The following SEMA3F variants were observed in gnomAD, a reference collection of about 807,000 sequenced individuals.
The protein encoded by SEMA3F is semaphorin 3F.
SEMA3F carries 30 observed loss-of-function variants against 98.5 expected under a neutral mutation model. The observed-to-expected ratio is 0.30, with a 90% CI of 0.23 to 0.41. The LOEUF is 0.41. Ranked by LOEUF, SEMA3F falls within the 10% of genes least tolerant of loss-of-function variation. SEMA3F has a pLI of 1.00. For missense variants in SEMA3F, 866 were observed against 1,119.3 expected, an observed-to-expected ratio of 0.77 and a Z score of 3.23; for synonymous variants, 380 against 444.8, an observed-to-expected ratio of 0.85 and a Z score of 1.83.
rs747657646 is a variant in SEMA3F at position 50,185,933 on chromosome 3, C to T, written c.1632C>T (p.Ser544=). 97 of 1,613,872 alleles carry T rather than the reference C, an allele frequency of 6.0e-5. No homozygotes were observed. The highest frequency in any genetic ancestry group is 7.5e-5 in the Non-Finnish European group (89 of 1,179,976). Residue 544 remains serine, a synonymous_variant, in exon 16 of 19, where the codon AGC becomes AGT. Coordinates refer to ENST00000002829, the MANE Select transcript of SEMA3F (RefSeq NM_004186.5). ...VASAVGVTHL[S]LHRCQAYGAA... ...CAGCCGTGGGTGTCACACACCTGAG[C>T]CTGCACCGCTGCCAGGCGTATGGGG...
In SEMA3F at chr3:50,166,591, C is replaced by T. The variant is rs979823871; in HGVS notation, c.112+6857C>T. ...GCATGCACCTGTCTGCCCTGTGCCT[C>T]GGTTTCTCCATCAGAATGTTGGGGA... is the stretch of plus-strand genomic sequence containing the variant. On this transcript the variant is annotated intron_variant, in intron 2 of 18. Coordinates refer to ENST00000002829, the MANE Select transcript of SEMA3F (RefSeq NM_004186.5). The surrounding 1 kb of genome is among the most constrained non-coding windows in gnomAD (Gnocchi z 4.7). 2.0e-5 allele frequency among the ~76,000 whole-genome samples: 3 copies of T among 152,144 alleles called. No homozygotes were observed. The highest frequency in any genetic ancestry group is 2.9e-5 in the Non-Finnish European group (2 of 68,040).
At chr3:50,174,406 G>T (rs1698729786) in intron 5 of SEMA3F, 56 bp downstream of exon 5, 2 of 1,558,774 alleles carry the variant, frequency 1.3e-6, no homozygotes. Flanking sequence ...GCATCCCAGG[G>T]TCCTGATGGG....
chr3:50,186,513 A>G, intron 17 of SEMA3F, 100 bp from the exon 18 acceptor site: 2 of 1,472,298 alleles, frequency 1.4e-6, no homozygotes, highest in Non-Finnish European at 9.3e-7. Context: ...AACACAGAGC[A>G]CTACATTGGT....
intron 6 of SEMA3F, 59 bp downstream of exon 6, chr3:50,175,247 C>A: frequency 1.6e-6 from 2 of 1,254,342 alleles, no homozygotes; most frequent in Non-Finnish European, 1.1e-6. Context: ...GGAACTCACC[C>A]TGGGCCTGCA....
At chr3:50,180,605 G>A (rs1369075155) in intron 7 of SEMA3F, among the ~76,000 whole-genome samples, 2 of 152,176 alleles carry the variant, frequency 1.3e-5, no homozygotes, top group Non-Finnish European at 2.9e-5. Context: ...GAGAGAGATG[G>A]GAGAATGGCC....
intron 2 of SEMA3F, among the ~76,000 whole-genome samples, chr3:50,169,918 G>A (rs2109078124): frequency 6.6e-6 from 1 of 152,242 alleles, no homozygotes; most frequent in Admixed American, 6.5e-5. Context: ...GGATACCCAG[G>A]GCTACTTGCC....
intron 16 of SEMA3F, 73 bp from the exon 17 acceptor site, chr3:50,186,208 G>C: frequency 6.6e-7 from 1 of 1,521,684 alleles, no homozygotes; most frequent in Non-Finnish European, 9.0e-7. Flanking sequence ...CCCTGCCCTG[G>C]AGTCAGGGAG....
intron 13 of SEMA3F, 25 bp from the exon 14 acceptor site, chr3:50,185,418 T>C (rs1338825580): frequency 7.4e-7 from 1 of 1,354,588 alleles, no homozygotes; most frequent in East Asian, 2.7e-5. Context: ...CCAGCCCCAC[T>C]GAGGCCCTGC....
In SEMA3F at chr3:50,184,749, C is replaced by T. The variant is rs1203426372; in HGVS notation, c.1391C>T (p.Thr464Ile). 3 of 1,614,156 alleles carry T rather than the reference C, an allele frequency of 1.9e-6. No individual in the cohort carries two copies. The highest frequency in any genetic ancestry group is 4.5e-5 in the East Asian group (2 of 44,888). ...CGCACAGGTGCTCCCTACCGCCTTA[C>T]CACTATTGCCGTGGACCAGGTGGAT... Reference protein sequence around the residue: ...VVRTGAPYRLTTIAVDQVDAA... With the variant: ...VVRTGAPYRLITIAVDQVDAA... The change falls in exon 13 of 19, where the codon ACC becomes ATC. Residue 464 changes from threonine (T) to isoleucine (I), a missense_variant. By Grantham distance (89) the Thr-to-Ile change is moderately conservative. Transcript: ENST00000002829.
At chr3:50,186,474 G>A in intron 17 of SEMA3F, 126 bp downstream of exon 17, 3 of 1,400,922 alleles carry the variant, frequency 2.1e-6, no homozygotes, top group Non-Finnish European at 3.0e-6. Flanking sequence ...GGGGGCTAAT[G>A]GAGATGGGAT....
At chr3:50,177,243 T>C (rs1473232156) in intron 7 of SEMA3F, among the ~76,000 whole-genome samples, 2 of 152,182 alleles carry the variant, frequency 1.3e-5, no homozygotes, top group African/African-American at 4.8e-5. Flanking sequence ...TTGGTGTGTC[T>C]GAGAGGCTGG....
At chr3:50,173,572 A>G (rs760396483) in intron 2 of SEMA3F, among the ~76,000 whole-genome samples, 7 of 152,252 alleles carry the variant, frequency 4.6e-5, no homozygotes, top group South Asian at 2.1e-4. Context: ...AACCCAGCAG[A>G]TGGAGGTTGC....
intron 2 of SEMA3F, among the ~76,000 whole-genome samples, chr3:50,173,132 C>T (rs908337625): frequency 6.6e-6 from 1 of 152,102 alleles, no homozygotes; most frequent in Non-Finnish European, 1.5e-5. Flanking sequence ...CTGTCAGGGA[C>T]TGGAGAGGGA....
In SEMA3F at chr3:50,184,709, C is replaced by G; in HGVS notation, c.1351C>G (p.Arg451Gly). The G allele has an allele frequency of 1.2e-6, 2 of 1,614,124 alleles. No individual in the cohort carries two copies. The highest frequency in any genetic ancestry group is 1.7e-6 in the Non-Finnish European group (2 of 1,179,974). Residue 451 changes from arginine to glycine, a missense_variant, in exon 13 of 19, where the codon CGG (arginine) becomes GGG (glycine). This residue lies in a region of SEMA3F where 374 missense variants were observed against 582.8 expected (regional missense o/e 0.64). Transcript: ENST00000002829. The part of the protein sequence containing the change: ...MYQAVYPLQR[R>G]PLVVRTGAPY... ...CCAGGCCGTGTACCCTCTGCAGCGG[C>G]GGCCCCTGGTAGTCCGCACAGGTGC...
intron 7 of SEMA3F, among the ~76,000 whole-genome samples, chr3:50,179,196 C>T (rs1355331711): frequency 6.6e-6 from 1 of 152,164 alleles, no homozygotes. Context: ...CTTAAAGTAA[C>T]CAGCTGCATT....
At chr3:50,168,684 C>T (rs1698496648) in intron 2 of SEMA3F, among the ~76,000 whole-genome samples, 1 of 152,138 alleles carries the variant, frequency 6.6e-6, no homozygotes, top group Admixed American at 6.5e-5. Context: ...CCAGGCCTTC[C>T]TCTGGGGCTC....
At chr3:50,159,864 G>A (rs1698138716) in intron 2 of SEMA3F, 130 bp downstream of exon 2, 1 of 661,714 alleles carries the variant, frequency 1.5e-6, no homozygotes. Context: ...TAGGTTGTGG[G>A]GGAGAAGGGA....
chr3:50,181,802 T>G (rs1699028181), intron 7 of SEMA3F, among the ~76,000 whole-genome samples: 1 of 152,018 alleles, frequency 6.6e-6, no homozygotes, highest in Non-Finnish European at 1.5e-5. Flanking sequence ...TGTATTTTAG[T>G]ATAGGTAGGG....
At chr3:50,155,308 C>A (rs1402607500), upstream of SEMA3F, 4 of 313,090 alleles carry the variant, frequency 1.3e-5, no homozygotes, top group Non-Finnish European at 2.3e-5. This position sits in a 1 kb window ranked among gnomAD's most constrained non-coding sequence, Gnocchi z 4.9. Flanking sequence ...CAGCCCACCC[C>A]AGGGGAGGCG....
Sources: allele counts gnomAD v4.1 joint callset (sites outside exome capture counted in the v4.1 genomes callset), GRCh38; gene constraint gnomAD v4.1.1; regional missense constraint gnomAD v4.1.1; non-coding constraint Gnocchi (gnomAD v3.1); transcripts MANE v1.5; gene names NCBI Gene and HGNC (gene_info 2026-07-23, HGNC 2026-07-21).